The following MUC4 variants were observed in gnomAD, a reference collection of about 807,000 sequenced individuals.
MUC4 encodes mucin 4, cell surface associated.
MUC4 carries 202 observed loss-of-function variants against 257.9 expected under a neutral mutation model. The ratio of observed to expected loss-of-function variants is 0.78; its 90% CI spans 0.70 to 0.88. The LOEUF is 0.88. Ranked by LOEUF, MUC4 falls within the 40% of genes least tolerant of loss-of-function variation. The pLI is 0.00. For synonymous variants in MUC4, 2,351 were observed against 2,757.1 expected (o/e 0.85, Z 4.62); for missense variants, 5,976 against 6,513.7 (o/e 0.92, Z 2.84).
At position 195,750,649 on chromosome 3, in the gene MUC4, A is replaced by G. The variant is rs1716210283; in HGVS notation, c.15871+240T>C. The G allele has an allele frequency of 2.8e-5, 16 of 574,692 alleles. No individual in the cohort carries two copies. In the East Asian group the frequency reaches 4.6e-4, roughly 17 times the overall value. The allele number at this position is 574,692 out of a possible 1,614,324, so 35.6% of individuals were successfully genotyped here. A position where few individuals can be genotyped will look rare whatever the true frequency, so the allele number is the denominator to read the frequency against. ...AATTGCTGCTGTTTTATTAGCAGCC[A>G]CAGTCAGCAAGGCCCTGGCTGGGTG... On this transcript the variant is annotated intron_variant, in intron 23 of 24. Coordinates refer to ENST00000463781, the MANE Select transcript of MUC4 (RefSeq NM_018406.7).
intron 7 of MUC4, among the ~76,000 whole-genome samples, chr3:195,767,600 TCATCACCATTGCCAC>T (rs1721217980): frequency 4.4e-5 from 2 of 45,340 alleles, no homozygotes; most frequent in Non-Finnish European, 4.5e-5. Context: ...ACCACCACCA[TCATCACCATTGCCAC>T]CACCATCACC....
At chr3:195,770,756 T>C in intron 5 of MUC4, 1 of 433,848 alleles carries the variant, frequency 2.3e-6, no homozygotes, top group Middle Eastern at 3.3e-4. Flanking sequence ...GCCCTGTCCG[T>C]GGCAGGGGCA....
At chr3:195,794,542 T>A (rs1734326311) in intron 1 of MUC4, among the ~76,000 whole-genome samples, 1 of 152,184 alleles carries the variant, frequency 6.6e-6, no homozygotes, top group South Asian at 2.1e-4. Context: ...TTTTTATTTC[T>A]GTAGAGGTGG....
chr3:195,785,181 G>A lies in MUC4; in HGVS notation c.6399C>T (p.Ser2133=), dbSNP rs776152789. 31 of 1,547,402 alleles carry A rather than the reference G, an allele frequency of 2.0e-5. 4 individuals carry two copies. The African/African-American group carries it at 3.9e-4, about 19-fold the overall frequency. ...TGTCACCTGTGGATGTTGAGGAAGGGCTGGTGACAGGAAGAGGGGTGGTGT... is the reference window on the plus strand; with the variant it reads ...TGTCACCTGTGGATGTTGAGGAAGGACTGGTGACAGGAAGAGGGGTGGTGT... ...TGDTTPLPVT[S]PSSTSTGDTT... Residue 2133 remains serine, a synonymous_variant, in exon 2 of 25, where the codon AGC becomes AGT. Coordinates refer to ENST00000463781, the MANE Select transcript of MUC4 (RefSeq NM_018406.7).
chr3:195,805,278 A>T (rs1399593687), intron 1 of MUC4, among the ~76,000 whole-genome samples: 2 of 152,264 alleles, frequency 1.3e-5, no homozygotes, highest in East Asian at 1.9e-4. Flanking sequence ...CATTTCTGTC[A>T]GCATCTGGTG....
At chr3:195,763,076 T>A in intron 12 of MUC4, 131 bp from the exon 13 acceptor site, 2 of 762,906 alleles carry the variant, frequency 2.6e-6, no homozygotes, top group Non-Finnish European at 4.3e-6. Flanking sequence ...GGCCGCGGCC[T>A]GAGGTGATGC....
At chr3:195,763,923 C>T in intron 11 of MUC4, 122 bp downstream of exon 11, 1 of 1,395,672 alleles carries the variant, frequency 7.2e-7, no homozygotes, top group African/African-American at 1.5e-5. Context: ...TCACTGGCGT[C>T]ATCTCCATCT....
At chr3:195,809,695 C>T (rs1736445984) in intron 1 of MUC4, 1 of 152,646 alleles carries the variant, frequency 6.6e-6, no homozygotes, top group Non-Finnish European at 1.5e-5. Flanking sequence ...GGTCTTGCCC[C>T]TCTGCGCTCC....
intron 7 of MUC4, among the ~76,000 whole-genome samples, chr3:195,767,944 C>T (rs13081573): frequency 0.61 from 78,209 of 128,120 alleles, 25,240 homozygotes; most frequent in East Asian, 0.77. Context: ...CCACTACCAC[C>T]ACCACCACCA....
chr3:195,783,871 G>C lies in MUC4; in HGVS notation c.7709C>G (p.Ser2570Cys), dbSNP rs762009200. Residue 2570 changes from serine to cysteine, a missense_variant, in exon 2 of 25, where the codon TCC becomes TGC. Ser to Cys is a moderately radical substitution (Grantham distance 112). Transcript: ENST00000463781. ...SLPVTDTSAASTGHATPLPVT... is the reference protein window; with the variant it reads ...SLPVTDTSAACTGHATPLPVT... Reference sequence around the variant, plus strand: ...AGGAAGAGGGGTGGCGTGACCTGTGGATGCTGCGGAAGTGTCGGTGACAGG... The same window carrying C: ...AGGAAGAGGGGTGGCGTGACCTGTGCATGCTGCGGAAGTGTCGGTGACAGG... 13 of 1,507,446 alleles carry C rather than the reference G, an allele frequency of 8.6e-6. No individual in the cohort carries two copies. The highest frequency in any genetic ancestry group is 2.3e-4 in the Middle Eastern group (1 of 4,420). 93.4% of individuals were successfully genotyped at this position (1,507,446 alleles called of 1,614,324 possible).
Position 195,789,153 on chromosome 3 carries a change from C to T in MUC4, c.2427G>A (p.Gly809=). 6.2e-7 allele frequency: 1 copy of T among 1,613,694 alleles called. No individual in the cohort carries two copies. Among genetic ancestry groups the T allele is most frequent in the South Asian group, 1.1e-5 (1 of 91,072 alleles). The stretch of plus-strand genomic sequence containing the variant: ...TTCCTGAAGGTGTTGTGCCACTCGC[C>T]CCGGATGAGGAAGGGGTAGCTGTGC... ...SAGTATPSSS[G]ASGTTPSGSE... is the part of the protein sequence containing the mutation. The change falls in exon 2 of 25, where the codon GGG becomes GGA. Residue 809 remains glycine, a synonymous_variant. Transcript: ENST00000463781.
rs555085060 is a variant in MUC4 at position 195,748,834 on chromosome 3, T to G, written c.16034+68A>C. ...CGAGCCATCCTAATTCCTGGACCCC[T>G]TGCAGTGTCTTGCCCAGCTTGGGTT... On this transcript the variant is annotated intron_variant, in intron 24 of 24. Transcript: ENST00000463781. The G allele has an allele frequency of 2.7e-6, 4 of 1,468,920 alleles. No individual in the cohort carries two copies. In the African/African-American group the frequency reaches 4.3e-5, roughly 16 times the overall value. 91.0% of individuals were successfully genotyped at this position (1,468,920 alleles called of 1,614,324 possible). A position where few individuals can be genotyped will look rare whatever the true frequency, so the allele number is the denominator to read the frequency against.
chr3:195,811,595 C>T (rs1736754987), intron 1 of MUC4, 141 bp downstream of exon 1: 7 of 676,120 alleles, frequency 1.0e-5, no homozygotes, highest in South Asian at 6.7e-5. Context: ...TTTTTCTCTC[C>T]CTTCTCTTCC....
Position 195,795,625 on chromosome 3 carries a change from C to T in MUC4, c.83-4128G>A, listed in dbSNP as rs936691314. On this transcript the variant is annotated intron_variant, in intron 1 of 24. Coordinates refer to ENST00000463781, the MANE Select transcript of MUC4 (RefSeq NM_018406.7). ...GAAAAAGGAAAGGAAGCAAGACCCT[C>T]GGTCACGACACTGAACTGAGTTTCC... Among the ~76,000 whole-genome samples the T allele has an allele frequency of 2.6e-5, 4 of 151,960 alleles. No homozygotes were observed. The East Asian group carries it at 5.8e-4, about 22-fold the overall frequency.
At position 195,780,906 on chromosome 3, in the gene MUC4, A is replaced by T. The variant is rs751549667; in HGVS notation, c.10674T>A (p.Ala3558=). ...GDTTPLPVTD[A]SSASTGQATP... ...TGGCCTGACCTGTGGATGCCGAGGA[A>T]GCGTCGGTGACAGGAAGAGGGGTGG... Residue 3558 remains alanine (A), a synonymous_variant, in exon 2 of 25, where the codon GCT becomes GCA. Transcript: ENST00000463781. 21 of 1,513,106 alleles carry T rather than the reference A, an allele frequency of 1.4e-5. 1 individual carries two copies. The African/African-American group carries it at 3.3e-4, about 23-fold the overall frequency. The allele number at this position is 1,513,106 out of a possible 1,614,324, so 93.7% of individuals were successfully genotyped here. A position where few individuals can be genotyped will look rare whatever the true frequency, so the allele number is the denominator to read the frequency against.
Position 195,765,037 on chromosome 3 carries a change from C to T in MUC4, c.13884G>A (p.Glu4628=), listed in dbSNP as rs1012657547. Residue 4628 remains glutamate (E), a synonymous_variant, in exon 10 of 25, where the codon GAG becomes GAA. Transcript: ENST00000463781. ...GCTGCACGTGCCAGCCTTCACGAAA[C>T]TCTCCCCAGGGCCCGTAGCTGCAGC... ...GVCCSYGPWG[E]FREGWHVQRP... is the part of the protein sequence containing the mutation. The T allele has an allele frequency of 1.2e-6, 2 of 1,613,970 alleles. No homozygotes were observed. The highest frequency in any genetic ancestry group is 8.5e-7 in the Non-Finnish European group (1 of 1,180,012).
chr3:195,753,251 T>TCAG, intron 19 of MUC4, 21 bp from the exon 20 acceptor site: 1 of 1,610,860 alleles, frequency 6.2e-7, no homozygotes, highest in Non-Finnish European at 8.5e-7. Flanking sequence ...AGTAGGGAGG[T>TCAG]CAGCAGCAGC....
Position 195,762,246 on chromosome 3 carries a change from T to C in MUC4, c.14353A>G (p.Thr4785Ala). Residue 4785 changes from threonine to alanine, a missense_variant, in exon 14 of 25, where the codon ACG (threonine) becomes GCG (alanine). Physicochemically the swap from Thr to Ala is moderately conservative, Grantham distance 58 (BLOSUM62 0). This residue lies in a region of MUC4 where 996 missense variants were observed against 1,137.3 expected (regional missense o/e 0.88). Transcript: ENST00000463781. Reference sequence around the variant, plus strand: ...AGGAGGACTCCGGTGGCGTTGAACGTCTCCTGGCCTGGAGCATCGGGAGGC... The same window carrying C: ...AGGAGGACTCCGGTGGCGTTGAACGCCTCCTGGCCTGGAGCATCGGGAGGC... ...PDHEDGGGQE[T>A]FNATGVLLSR... The C allele has an allele frequency of 1.3e-6, 2 of 1,580,898 alleles. No individual in the cohort carries two copies. The highest frequency in any genetic ancestry group is 1.7e-6 in the Non-Finnish European group (2 of 1,163,988).
rs771314736 is a variant in MUC4, at chr3:195,761,597, A to T, written c.14513-12T>A. On this transcript the variant is annotated splice_polypyrimidine_tract_variant and intron_variant, in intron 14 of 24. Transcript: ENST00000463781. ...GTTATTCCAGACCCCTGAGGGACAGAGTGGGAGGTTGGCCACCCTGGGCAC... is the reference window on the plus strand; with the variant it reads ...GTTATTCCAGACCCCTGAGGGACAGTGTGGGAGGTTGGCCACCCTGGGCAC... The T allele has an allele frequency of 1.9e-6, 3 of 1,609,312 alleles. No homozygotes were observed. The highest frequency in any genetic ancestry group is 2.6e-6 in the Non-Finnish European group (3 of 1,175,992).
Sources: gnomAD v4.1 joint callset for allele counts (sites outside exome capture counted in the v4.1 genomes callset) on GRCh38, gnomAD v4.1.1 for gene constraint, gnomAD v4.1.1 regional missense constraint, MANE v1.5 for transcripts, NCBI Gene and HGNC (gene_info 2026-07-23, HGNC 2026-07-21) for gene names.